The following ATP8A2 variants were observed in gnomAD, a reference collection of about 807,000 sequenced individuals.
The protein encoded by ATP8A2 is ATPase phospholipid transporting 8A2.
A neutral mutation model predicts 165.6 loss-of-function variants in ATP8A2; 100 were observed. That is an observed-to-expected ratio of 0.60 (90% confidence interval 0.51 to 0.71). ATP8A2 has a LOEUF of 0.71. Ranked by LOEUF, ATP8A2 falls within the 30% of genes least tolerant of loss-of-function variation. The probability of loss-of-function intolerance (pLI) is 0.00; values close to 1 mark genes in which losing one functional copy is unlikely to be tolerated. For missense variants in ATP8A2, 1,227 were observed against 1,479.5 expected, an observed-to-expected ratio of 0.83 and a Z score of 2.80; for synonymous variants, 543 against 548.8, an observed-to-expected ratio of 0.99 and a Z score of 0.15.
Position 25,882,935 on chromosome 13 carries a change from A to ATGATGATGG in ATP8A2, c.3183+20532_3183+20533insATGGTGATG, listed in dbSNP as rs1555284471. 8.2e-4 allele frequency among the ~76,000 whole-genome samples: 119 copies of ATGATGATGG among 145,736 alleles called. 1 individual carries two copies. Among genetic ancestry groups the ATGATGATGG allele is most frequent in the Middle Eastern group, 3.5e-3 (1 of 286 alleles). ...GATGATGATGATGATGATGATGATG[A>ATGATGATGG]TGATGGTGATGGTGATGATGGTGAT... On this transcript the variant is annotated intron_variant, in intron 33 of 36. Transcript: ENST00000381655.
At chr13:25,579,993 C>T in intron 22 of ATP8A2, 46 bp downstream of exon 22, 2 of 1,601,400 alleles carry the variant, frequency 1.2e-6, no homozygotes, top group Non-Finnish European at 1.7e-6. Flanking sequence ...AAGGACTTAA[C>T]CACCTATTTC....
At chr13:25,508,679 GGTT>G (rs1489439078) in intron 2 of ATP8A2, among the ~76,000 whole-genome samples, 12 of 152,292 alleles carry the variant, frequency 7.9e-5, no homozygotes, top group African/African-American at 1.4e-4. Flanking sequence ...AACGTATATA[GGTT>G]GTTATTAAAA....
intron 33 of ATP8A2, among the ~76,000 whole-genome samples, chr13:25,905,002 C>T (rs372588469): frequency 6.6e-6 from 1 of 152,202 alleles, no homozygotes; most frequent in East Asian, 1.9e-4. Flanking sequence ...ATGCGCATGG[C>T]TGTAAGCATG....
At chr13:25,976,371 C>T (rs185012227) in intron 35 of ATP8A2, among the ~76,000 whole-genome samples, 159 of 152,276 alleles carry the variant, frequency 1.0e-3, no homozygotes, top group Middle Eastern at 0.01. Context: ...GATGGAGTCA[C>T]GTCTGCTCAG....
chr13:26,003,186 C>A (rs1443893695), intron 35 of ATP8A2, among the ~76,000 whole-genome samples: 1 of 151,002 alleles, frequency 6.6e-6, no homozygotes, highest in Admixed American at 6.6e-5. Flanking sequence ...CTCACCAATA[C>A]TTGTTAGCTT....
Position 25,409,647 on chromosome 13 carries a change from G to A in ATP8A2, c.76+37359G>A, listed in dbSNP as rs148318475. On this transcript the variant is annotated intron_variant, in intron 1 of 36. Transcript: ENST00000381655. ...GGAAAATATTGAGAATTTTTAAAAA[G>A]TTGATGTACATCAATGAAACAGGAG... Among the ~76,000 whole-genome samples the A allele has an allele frequency of 1.1e-3, 160 of 152,286 alleles. 1 individual carries two copies. Among genetic ancestry groups the A allele is most frequent in the African/African-American group, 3.8e-3 (157 of 41,570 alleles).
intron 35 of ATP8A2, among the ~76,000 whole-genome samples, chr13:25,990,970 A>G (rs1480745058): frequency 6.6e-6 from 1 of 152,132 alleles, no homozygotes; most frequent in Non-Finnish European, 1.5e-5. Flanking sequence ...CGACAGGACC[A>G]CGGAGCTCAG....
Position 25,949,113 on chromosome 13 carries a change from C to T in ATP8A2, c.3184-12462C>T, listed in dbSNP as rs114665386. Among the ~76,000 whole-genome samples, 1,029 of 152,300 alleles carry T rather than the reference C, an allele frequency of 6.8e-3. 12 individuals are homozygous for T. Among genetic ancestry groups the T allele is most frequent in the African/African-American group, 0.024 (985 of 41,560 alleles). On this transcript the variant is annotated intron_variant, in intron 33 of 36. Transcript: ENST00000381655. ...TCTGCTGTGGGAAGCATGAGTAACT[C>T]ACAGATGGTGTCAGAGGGCGTGTGT... is the stretch of plus-strand genomic sequence containing the variant.
intron 16 of ATP8A2, among the ~76,000 whole-genome samples, chr13:25,565,988 T>G (rs1383062672): frequency 2.0e-5 from 3 of 152,164 alleles, no homozygotes; most frequent in Non-Finnish European, 4.4e-5. Flanking sequence ...GATTTAAAAT[T>G]AGGTAAACAT....
intron 33 of ATP8A2, among the ~76,000 whole-genome samples, chr13:25,939,376 TACATGGTGTGCTTTCCAAC>T: frequency 6.6e-6 from 1 of 152,312 alleles, no homozygotes; most frequent in East Asian, 1.9e-4. Flanking sequence ...TTAGTCAACT[TACATGGTGTGCTTTCCAAC>T]ACATCTCTCA....
chr13:25,769,708 G>T (rs767756848), intron 26 of ATP8A2, among the ~76,000 whole-genome samples: 1 of 152,032 alleles, frequency 6.6e-6, no homozygotes, highest in African/African-American at 2.4e-5. Context: ...TACAGCTGTC[G>T]CCTTCTCTGT....
At chr13:25,895,482 G>A (rs895177439) in intron 33 of ATP8A2, among the ~76,000 whole-genome samples, 4 of 152,112 alleles carry the variant, frequency 2.6e-5, no homozygotes, top group Non-Finnish European at 5.9e-5. Context: ...AAGGATATTG[G>A]TCTAAAATTC....
intron 1 of ATP8A2, among the ~76,000 whole-genome samples, chr13:25,461,165 CTTTGTG>C (rs1335515533): frequency 6.6e-6 from 1 of 152,176 alleles, no homozygotes; most frequent in Non-Finnish European, 1.5e-5. Context: ...GTCGCTTTCC[CTTTGTG>C]TTTATTTCTT....
At chr13:25,678,037 T>C (rs946545007) in intron 24 of ATP8A2, among the ~76,000 whole-genome samples, 3 of 152,122 alleles carry the variant, frequency 2.0e-5, no homozygotes, top group Non-Finnish European at 4.4e-5. Context: ...GTAAGAACTT[T>C]AAGATGAACA....
chr13:25,658,987 T>C (rs1202331996), intron 24 of ATP8A2, among the ~76,000 whole-genome samples: 2 of 152,228 alleles, frequency 1.3e-5, no homozygotes, highest in African/African-American at 4.8e-5. Context: ...ATTATTTACT[T>C]GTTGGCATTT....
intron 24 of ATP8A2, among the ~76,000 whole-genome samples, chr13:25,630,361 T>C (rs1197115145): frequency 1.3e-5 from 2 of 152,202 alleles, no homozygotes; most frequent in South Asian, 2.1e-4. Flanking sequence ...AGTGGCAGCG[T>C]TGATCTCCAT....
intron 33 of ATP8A2, among the ~76,000 whole-genome samples, chr13:25,934,941 G>A (rs1014663976): frequency 1.3e-5 from 2 of 152,208 alleles, no homozygotes; most frequent in African/African-American, 2.4e-5. Flanking sequence ...GGCAAGACCA[G>A]GAGTGGACTC....
intron 35 of ATP8A2, among the ~76,000 whole-genome samples, chr13:25,989,732 A>G (rs921312022): frequency 1.3e-5 from 2 of 151,996 alleles, no homozygotes; most frequent in Non-Finnish European, 2.9e-5. Context: ...CCTTTTTATA[A>G]GGATCCTTCC....
At chr13:25,692,139 AAG>A (rs1236172590) in intron 24 of ATP8A2, among the ~76,000 whole-genome samples, 2 of 152,208 alleles carry the variant, frequency 1.3e-5, no homozygotes, top group Admixed American at 6.5e-5. Context: ...GGACAGGAGA[AAG>A]AGATTCACGG....
Sources: gnomAD v4.1 joint callset for allele counts (sites outside exome capture counted in the v4.1 genomes callset) on GRCh38, gnomAD v4.1.1 for gene constraint, MANE v1.5 for transcripts, NCBI Gene and HGNC (gene_info 2026-07-23, HGNC 2026-07-21) for gene names.